SMYD3: variants seen among roughly 807,000 people sequenced by gnomAD.
The protein encoded by SMYD3 is SET and MYND domain containing 3.
Under a neutral mutation model 57.7 loss-of-function variants are expected in SMYD3, and 36 were observed. That is an observed-to-expected ratio of 0.62 (90% confidence interval 0.48 to 0.82). The LOEUF is 0.82. SMYD3 is among the 40% of genes least tolerant of loss of function. The probability of loss-of-function intolerance (pLI) is 0.00; values close to 1 mark genes in which losing one functional copy is unlikely to be tolerated. For synonymous variants in SMYD3, 211 were observed against 195.0 expected, an observed-to-expected ratio of 1.08 and a Z score of -0.68; for missense variants, 515 against 538.8, an observed-to-expected ratio of 0.96 and a Z score of 0.44.
chr1:245,826,655 C>T (rs958076325), intron 10 of SMYD3, among the ~76,000 whole-genome samples: 52 of 152,180 alleles, frequency 3.4e-4, no homozygotes, highest in Non-Finnish European at 4.1e-4. Flanking sequence ...TGAAGAACTG[C>T]CTGAGACTGT....
chr1:246,109,555 C>T (rs947700454), intron 5 of SMYD3, among the ~76,000 whole-genome samples: 18 of 152,214 alleles, frequency 1.2e-4, no homozygotes, highest in Non-Finnish European at 2.1e-4. Context: ...GCTGTAATTT[C>T]TGCATGGATG....
At chr1:246,017,847 A>T (rs1467537391) in intron 5 of SMYD3, among the ~76,000 whole-genome samples, 2 of 152,160 alleles carry the variant, frequency 1.3e-5, no homozygotes, top group Non-Finnish European at 2.9e-5. Flanking sequence ...GTTATAACCT[A>T]TTACTACCGT....
intron 5 of SMYD3, among the ~76,000 whole-genome samples, chr1:246,299,322 A>G (rs2064852704): frequency 6.6e-6 from 1 of 152,178 alleles, no homozygotes; most frequent in African/African-American, 2.4e-5. Context: ...CAGAATGGCT[A>G]TTATTAAAAA....
chr1:245,844,374 C>G (rs569199328), intron 10 of SMYD3, among the ~76,000 whole-genome samples: 5 of 152,276 alleles, frequency 3.3e-5, no homozygotes, highest in Middle Eastern at 3.4e-3. Context: ...ATTAGCTTTA[C>G]TGCACTGCAC....
intron 5 of SMYD3, chr1:246,326,780 G>C (rs971331422): frequency 1.2e-5 from 3 of 255,512 alleles, no homozygotes; most frequent in East Asian, 1.0e-4. Context: ...AAAAAGAAAA[G>C]AAAAGAAATG....
chr1:246,409,730 G>C (rs1157655221), intron 1 of SMYD3, among the ~76,000 whole-genome samples: 2 of 152,322 alleles, frequency 1.3e-5, no homozygotes, highest in East Asian at 1.9e-4. Context: ...TTGGTAGCTT[G>C]ATGGGGATGG....
chr1:245,998,670 A>C (rs2058978255), intron 5 of SMYD3, among the ~76,000 whole-genome samples: 19 of 152,200 alleles, frequency 1.2e-4, no homozygotes, highest in Admixed American at 1.2e-3. Flanking sequence ...ATATGCCCAA[A>C]GCAAACGAAA....
Position 246,089,884 on chromosome 1 carries a change from CTTTT to C in SMYD3, c.532-159951_532-159948del, listed in dbSNP as rs5782382. Among the ~76,000 whole-genome samples, 324 of 143,846 alleles carry C rather than the reference CTTTT, an allele frequency of 2.3e-3. 4 individuals carry two copies. The highest frequency in any genetic ancestry group is 6.6e-3 in the African/African-American group (259 of 39,088). 94.4% of individuals were successfully genotyped at this position (143,846 alleles called of 152,430 possible). A position where few individuals can be genotyped will look rare whatever the true frequency, so the allele number is the denominator to read the frequency against. On this transcript the variant is annotated intron_variant, in intron 5 of 11. Coordinates refer to ENST00000490107, the MANE Select transcript of SMYD3 (RefSeq NM_001167740.2). ...ACCTATGTCTGAAATTGGTAGTTTG[CTTTT>C]TTTTTTTTTTTCTGGGGGAGGGGTG...
intron 11 of SMYD3, among the ~76,000 whole-genome samples, chr1:245,757,756 G>C (rs1161853861): frequency 6.6e-6 from 1 of 151,962 alleles, no homozygotes; most frequent in Non-Finnish European, 1.5e-5. Flanking sequence ...TTTATTTCTG[G>C]GCTCTCTATT....
At chr1:246,029,301 T>C (rs928664135) in intron 5 of SMYD3, among the ~76,000 whole-genome samples, 1 of 152,134 alleles carries the variant, frequency 6.6e-6, no homozygotes, top group Non-Finnish European at 1.5e-5. Context: ...GCAAATTACA[T>C]GTTCAGCAAG....
chr1:245,853,121 A>T (rs2051058701), intron 10 of SMYD3, among the ~76,000 whole-genome samples: 2 of 152,244 alleles, frequency 1.3e-5, no homozygotes, highest in South Asian at 4.1e-4. Context: ...CTCATCAGAG[A>T]CAATAAATGG....
chr1:246,194,778 G>A (rs1037206656), intron 5 of SMYD3, among the ~76,000 whole-genome samples: 4 of 152,150 alleles, frequency 2.6e-5, no homozygotes, highest in Non-Finnish European at 5.9e-5. Context: ...TTGCCATATT[G>A]CACAACAAAG....
intron 5 of SMYD3, among the ~76,000 whole-genome samples, chr1:245,946,792 G>A (rs1380226608): frequency 3.9e-5 from 6 of 151,942 alleles, no homozygotes; most frequent in African/African-American, 1.5e-4. Context: ...AAGAAAAGAG[G>A]AAAAATTGTC....
At chr1:246,301,094 G>A (rs2064885951) in intron 5 of SMYD3, among the ~76,000 whole-genome samples, 1 of 152,016 alleles carries the variant, frequency 6.6e-6, no homozygotes, top group Non-Finnish European at 1.5e-5. Context: ...AATACTACCA[G>A]TACCAAATGT....
chr1:245,823,057 C>T (rs761076408), intron 10 of SMYD3, among the ~76,000 whole-genome samples: 6 of 152,136 alleles, frequency 3.9e-5, no homozygotes, highest in Non-Finnish European at 8.8e-5. Context: ...CTTTTTCTGC[C>T]TCCCACAGGC....
chr1:245,817,407 C>T (rs1179092687), intron 10 of SMYD3, among the ~76,000 whole-genome samples: 2 of 148,372 alleles, frequency 1.3e-5, no homozygotes, highest in Non-Finnish European at 3.0e-5. Flanking sequence ...ACATCACCAT[C>T]ATCAAAGACC....
intron 1 of SMYD3, among the ~76,000 whole-genome samples, chr1:246,476,171 C>A (rs1441623770): frequency 2.0e-5 from 3 of 152,140 alleles, no homozygotes; most frequent in African/African-American, 7.2e-5. Flanking sequence ...TTAAAAATAT[C>A]TAGGTAATTC....
At chr1:246,278,777 AAT>A (rs1246376175) in intron 5 of SMYD3, among the ~76,000 whole-genome samples, 5 of 152,268 alleles carry the variant, frequency 3.3e-5, no homozygotes, top group Admixed American at 3.3e-4. Flanking sequence ...ACGATTAAAA[AAT>A]ATATGCTGCT....
intron 5 of SMYD3, among the ~76,000 whole-genome samples, chr1:246,238,518 T>C (rs1327895745): frequency 2.0e-5 from 3 of 152,188 alleles, no homozygotes; most frequent in Non-Finnish European, 4.4e-5. Flanking sequence ...TAATTATATA[T>C]CTATTACTCA....
Sources: allele counts gnomAD v4.1 joint callset (sites outside exome capture counted in the v4.1 genomes callset), GRCh38; gene constraint gnomAD v4.1.1; transcripts MANE v1.5; gene names NCBI Gene and HGNC (gene_info 2026-07-23, HGNC 2026-07-21).